The following UTRN variants were observed in gnomAD, a reference collection of about 807,000 sequenced individuals.
UTRN encodes dystrophin-related protein 1.
In UTRN, 283 loss-of-function variants were observed where a neutral mutation model predicts 463.9. That is an observed-to-expected ratio of 0.61 (90% CI 0.55 to 0.67). The LOEUF (loss-of-function observed/expected upper bound fraction) is 0.67, where lower values mean the gene tolerates loss of function less well. UTRN is among the 30% of genes least tolerant of loss of function. The probability of loss-of-function intolerance (pLI) is 0.00; values close to 1 mark genes in which losing one functional copy is unlikely to be tolerated. For missense variants in UTRN, 3,922 were observed against 4,084.3 expected (o/e 0.96, Z 1.08); for synonymous variants, 1,442 against 1,431.5 (o/e 1.01, Z -0.17).
intron 54 of UTRN, among the ~76,000 whole-genome samples, chr6:144,736,549 A>C (rs1789418782): frequency 6.6e-6 from 1 of 152,150 alleles, no homozygotes; most frequent in Non-Finnish European, 1.5e-5. Context: ...TGACCATTCC[A>C]CATTAGTTTC....
chr6:144,292,245 AG>A (rs1804310484), intron 2 of UTRN, among the ~76,000 whole-genome samples: 2 of 152,170 alleles, frequency 1.3e-5, no homozygotes, highest in South Asian at 4.1e-4. Context: ...TGCTTAATGT[AG>A]GAAGTGCCAC....
rs76031526 is a variant in UTRN at position 144,736,205 on chromosome 6, A to T, written c.7939+5719A>T. On this transcript the variant is annotated intron_variant, in intron 54 of 74. Coordinates refer to ENST00000367545, the MANE Select transcript of UTRN (RefSeq NM_007124.3). ...TTGTTGTTTACCATGACTTATGTAC[A>T]TCTGCTATTAGAAGTAGCAAGCATT... is the stretch of plus-strand genomic sequence containing the variant. Among the ~76,000 whole-genome samples the T allele has an allele frequency of 5.2e-3, 791 of 152,324 alleles. 6 individuals carry two copies. Among genetic ancestry groups the T allele is most frequent in the Non-Finnish European group, 9.1e-3 (622 of 68,012 alleles).
In UTRN at chr6:144,426,295, T is replaced by C; in HGVS notation, c.414T>C (p.Asp138=). 1.2e-6 allele frequency: 2 copies of C among 1,613,158 alleles called. No individual in the cohort carries two copies. The highest frequency in any genetic ancestry group is 2.2e-5 in the East Asian group (1 of 44,844). ...WSIILHWQVK[D]VMKDVMSDLQ... ...TGGTTTCTCTTACATAGGTGAAAGA[T>C]GTCATGAAGGATGTCATGTCGGACC... Residue 138 remains aspartate, a synonymous_variant, in exon 7 of 75, where the codon GAT becomes GAC. Transcript: ENST00000367545.
At chr6:144,800,229 A>T (rs1291874249) in intron 64 of UTRN, among the ~76,000 whole-genome samples, 1 of 152,228 alleles carries the variant, frequency 6.6e-6, no homozygotes, top group African/African-American at 2.4e-5. Flanking sequence ...TTCATTTCTT[A>T]AATTAAAAAT....
chr6:144,768,652 A>G (rs909031115), intron 58 of UTRN, among the ~76,000 whole-genome samples: 13 of 152,234 alleles, frequency 8.5e-5, no homozygotes, highest in African/African-American at 2.4e-4. Context: ...AAACTGGTCA[A>G]TATCCACAGG....
At chr6:144,666,316 G>A (rs566361486) in intron 51 of UTRN, among the ~76,000 whole-genome samples, 2 of 152,030 alleles carry the variant, frequency 1.3e-5, no homozygotes, top group Admixed American at 6.5e-5. Flanking sequence ...TGCAGTGCAG[G>A]CTTCTAAATT....
intron 65 of UTRN, among the ~76,000 whole-genome samples, chr6:144,809,720 T>C (rs545385170): frequency 2.6e-5 from 4 of 152,172 alleles, no homozygotes; most frequent in Non-Finnish European, 5.9e-5. Context: ...ACTGCATTTC[T>C]AGAAGTGAAG....
At chr6:144,449,478 T>C (rs1788034108) in intron 17 of UTRN, among the ~76,000 whole-genome samples, 2 of 152,192 alleles carry the variant, frequency 1.3e-5, no homozygotes, top group African/African-American at 4.8e-5. Context: ...CTTGCCCATA[T>C]TGAGAGCAGA....
chr6:144,571,580 C>T (rs1800941794), intron 50 of UTRN, among the ~76,000 whole-genome samples: 1 of 152,066 alleles, frequency 6.6e-6, no homozygotes, highest in Non-Finnish European at 1.5e-5. Context: ...TAGGAAGTTG[C>T]TTAGGGATGC....
At chr6:144,290,135 A>C in intron 1 of UTRN, among the ~76,000 whole-genome samples, 1 of 152,208 alleles carries the variant, frequency 6.6e-6, no homozygotes, top group Middle Eastern at 3.2e-3. Flanking sequence ...ATATTTCACC[A>C]CATGTCTCTT....
chr6:144,561,235 ATATATATATATATATATATAT>A (rs2128617540), intron 50 of UTRN, among the ~76,000 whole-genome samples: 1 of 116,344 alleles, frequency 8.6e-6, no homozygotes, highest in South Asian at 2.9e-4. Context: ...ATATATATAT[ATATATATATATATATATATAT>A]ATATACATAC....
intron 58 of UTRN, among the ~76,000 whole-genome samples, chr6:144,762,619 G>C (rs1406571379): frequency 6.6e-6 from 1 of 152,174 alleles, no homozygotes; most frequent in Non-Finnish European, 1.5e-5. Context: ...CTTTTTCATA[G>C]ATAGGAAGAT....
At chr6:144,698,714 C>A (rs1226381279) in intron 52 of UTRN, among the ~76,000 whole-genome samples, 1 of 152,186 alleles carries the variant, frequency 6.6e-6, no homozygotes, top group Non-Finnish European at 1.5e-5. Context: ...TCACCAGGGC[C>A]CTAACAAGAG....
Position 144,805,704 on chromosome 6 carries a change from G to A in UTRN, c.9357+2557G>A, listed in dbSNP as rs545651850. 1.9e-3 allele frequency among the ~76,000 whole-genome samples: 285 copies of A among 152,254 alleles called. 1 individual carries two copies. The highest frequency in any genetic ancestry group is 2.5e-3 in the Non-Finnish European group (169 of 68,020). On this transcript the variant is annotated intron_variant, in intron 65 of 74. Coordinates refer to ENST00000367545, the MANE Select transcript of UTRN (RefSeq NM_007124.3). ...ATCAGAGGAGTAAATGAAGTTCAAA[G>A]CCCTTCTGATTGTAGGGCCCTGTAC...
intron 69 of UTRN, among the ~76,000 whole-genome samples, chr6:144,833,311 A>T (rs898297716): frequency 3.3e-5 from 5 of 152,204 alleles, no homozygotes; most frequent in Admixed American, 2.0e-4. Context: ...ATAGGTTAGG[A>T]CTGTAGATAT....
intron 53 of UTRN, among the ~76,000 whole-genome samples, chr6:144,726,666 G>T (rs1242404760): frequency 6.6e-6 from 1 of 152,162 alleles, no homozygotes; most frequent in African/African-American, 2.4e-5. Flanking sequence ...TAATGAGAAT[G>T]GGAAATGTAG....
intron 51 of UTRN, among the ~76,000 whole-genome samples, chr6:144,642,285 A>T (rs1777851046): frequency 6.6e-6 from 1 of 152,116 alleles, no homozygotes; most frequent in Non-Finnish European, 1.5e-5. Flanking sequence ...ATAAAGCCTA[A>T]TTTTTTGTCT....
chr6:144,580,221 C>T (rs1355642357), intron 51 of UTRN, among the ~76,000 whole-genome samples: 1 of 99,070 alleles, frequency 1.0e-5, no homozygotes, highest in African/African-American at 5.0e-5. Context: ...ATGGTGGTGG[C>T]AGTGGTGGTG....
At chr6:144,544,564 G>T (rs889911943) in intron 46 of UTRN, among the ~76,000 whole-genome samples, 1 of 151,838 alleles carries the variant, frequency 6.6e-6, no homozygotes, top group Non-Finnish European at 1.5e-5. Flanking sequence ...CCAACACCTT[G>T]CCGACTGTAC....
Sources: gnomAD v4.1 joint callset for allele counts (sites outside exome capture counted in the v4.1 genomes callset) on GRCh38, gnomAD v4.1.1 for gene constraint, MANE v1.5 for transcripts, NCBI Gene and HGNC (gene_info 2026-07-23, HGNC 2026-07-21) for gene names.